CD2AP: variants seen among roughly 807,000 people sequenced by gnomAD.
CD2AP encodes CD2-associated protein.
Under a neutral mutation model 85.1 loss-of-function variants are expected in CD2AP, and 46 were observed. The ratio of observed to expected loss-of-function variants is 0.54; its 90% confidence interval spans 0.43 to 0.69. The LOEUF (loss-of-function observed/expected upper bound fraction) is 0.69. CD2AP is among the 30% of genes least tolerant of loss of function. The probability of loss-of-function intolerance (pLI) is 0.00; values close to 1 mark genes in which losing one functional copy is unlikely to be tolerated. For synonymous variants in CD2AP, 255 were observed against 252.9 expected (o/e 1.01, Z -0.08); for missense variants, 769 against 729.5 (o/e 1.05, Z -0.62).
At chr6:47,581,225 A>G (rs774607411) in intron 10 of CD2AP, among the ~76,000 whole-genome samples, 2 of 152,182 alleles carry the variant, frequency 1.3e-5, no homozygotes, top group Admixed American at 1.3e-4. Flanking sequence ...AATGAAATCC[A>G]TTTGTTAATG....
chr6:47,530,704 A>G (rs1349635094), intron 2 of CD2AP, among the ~76,000 whole-genome samples: 1 of 152,200 alleles, frequency 6.6e-6, no homozygotes, highest in Non-Finnish European at 1.5e-5. Flanking sequence ...TCTTGTTAAC[A>G]TTTGTATGCC....
chr6:47,619,676 G>A (rs893433012), intron 17 of CD2AP, among the ~76,000 whole-genome samples: 9 of 152,124 alleles, frequency 5.9e-5, no homozygotes, highest in East Asian at 1.9e-4. Context: ...ACTAGTTTAC[G>A]TTCCCACCAG....
In CD2AP at chr6:47,499,384, A is replaced by G. The variant is rs1293313054; in HGVS notation, c.5-3896A>G. 2.6e-5 allele frequency among the ~76,000 whole-genome samples: 4 copies of G among 151,996 alleles called. No homozygotes were observed. The South Asian group carries it at 6.2e-4, about 24-fold the overall frequency. ...TATACATATATCTGTTTATTTCTCC[A>G]TGTTACGTATTGAAAACTGTTAAGT... On this transcript the variant is annotated intron_variant, in intron 1 of 17. Transcript: ENST00000359314.
chr6:47,595,728 T>C (rs1768921730), intron 11 of CD2AP, 133 bp from the exon 12 acceptor site: 2 of 668,244 alleles, frequency 3.0e-6, no homozygotes, highest in South Asian at 3.6e-5. Flanking sequence ...ACAGTGCACA[T>C]GTATACAAAT....
Position 47,543,159 on chromosome 6 carries a change from A to G in CD2AP, c.320-1447A>G, listed in dbSNP as rs543947033. On this transcript the variant is annotated intron_variant, in intron 3 of 17. Transcript: ENST00000359314. ...GAGCAAGACTGTCTCAAAAAAAAAA[A>G]AAAAAAAAAAAAAGAAAAAGAAAAA... 1.6e-4 allele frequency among the ~76,000 whole-genome samples: 24 copies of G among 147,680 alleles called. No homozygotes were observed. The East Asian group carries it at 4.7e-3, about 29-fold the overall frequency.
chr6:47,505,682 C>T (rs1766133814), intron 2 of CD2AP, among the ~76,000 whole-genome samples: 2 of 79,808 alleles, frequency 2.5e-5, no homozygotes, highest in African/African-American at 4.1e-5. Flanking sequence ...GGCTGACCCC[C>T]CCATCTCCCT....
chr6:47,518,957 G>A (rs376428342), intron 2 of CD2AP, among the ~76,000 whole-genome samples: 2 of 152,042 alleles, frequency 1.3e-5, no homozygotes, highest in East Asian at 1.9e-4. Flanking sequence ...CCTACACTCC[G>A]CCTCTTGGTG....
chr6:47,531,347 T>C (rs1340683024), intron 2 of CD2AP, among the ~76,000 whole-genome samples: 1 of 151,948 alleles, frequency 6.6e-6, no homozygotes, highest in Non-Finnish European at 1.5e-5. Context: ...TAAAAAATAA[T>C]ACACAGAAAC....
At chr6:47,509,443 A>AC (rs1766260823) in intron 2 of CD2AP, among the ~76,000 whole-genome samples, 1 of 151,970 alleles carries the variant, frequency 6.6e-6, no homozygotes, top group South Asian at 2.1e-4. Flanking sequence ...TTTGTAAAAA[A>AC]AAAAAAAAAT....
intron 5 of CD2AP, among the ~76,000 whole-genome samples, chr6:47,573,164 G>C (rs1244533252): frequency 1.3e-5 from 2 of 152,020 alleles, no homozygotes; most frequent in Admixed American, 1.3e-4. Flanking sequence ...AAGAACCCTT[G>C]TTACTGAGCA....
intron 1 of CD2AP, among the ~76,000 whole-genome samples, chr6:47,494,326 C>T (rs76743831): frequency 5.3e-5 from 8 of 152,266 alleles, no homozygotes; most frequent in African/African-American, 1.9e-4. Flanking sequence ...AACTCTTTCT[C>T]AGATAGAATC....
At chr6:47,531,949 T>C (rs1422231167) in intron 2 of CD2AP, among the ~76,000 whole-genome samples, 1 of 151,814 alleles carries the variant, frequency 6.6e-6, no homozygotes, top group Non-Finnish European at 1.5e-5. Flanking sequence ...GGTGCATGCC[T>C]GTAGTCCCAG....
rs1554182282 is a variant in CD2AP at position 47,589,565 on chromosome 6, C to CATATAT, written c.1109-6285_1109-6280dup. On this transcript the variant is annotated intron_variant, in intron 11 of 17. Coordinates refer to ENST00000359314, the MANE Select transcript of CD2AP (RefSeq NM_012120.3). Reference sequence around the variant, plus strand: ...ACACATATATATACACACACACACACATATATATATATATATTTGTCAGAG... The same window carrying CATATAT: ...ACACATATATATACACACACACACACATATATATATATATATATATATTTGTCAGAG... Among the ~76,000 whole-genome samples the CATATAT allele has an allele frequency of 2.3e-4, 28 of 120,998 alleles. 1 individual carries two copies. The highest frequency in any genetic ancestry group is 8.3e-4 in the African/African-American group (28 of 33,660). The allele number at this position is 120,998 out of a possible 152,430, so 79.4% of individuals were successfully genotyped here.
At chr6:47,511,073 CAAAAAAAAAA>C (rs70999630) in intron 2 of CD2AP, among the ~76,000 whole-genome samples, 5 of 51,880 alleles carry the variant, frequency 9.6e-5, no homozygotes, top group Admixed American at 3.2e-4. Flanking sequence ...CTCTGTGTCT[CAAAAAAAAAA>C]AAAAAAAAAA....
chr6:47,559,782 C>T (rs1767801398), intron 5 of CD2AP, among the ~76,000 whole-genome samples: 2 of 151,932 alleles, frequency 1.3e-5, no homozygotes, highest in African/African-American at 4.8e-5. Context: ...CAGCTTTTTC[C>T]CACCTAATTC....
chr6:47,481,823 G>C (rs1342851376), intron 1 of CD2AP, among the ~76,000 whole-genome samples: 1 of 152,156 alleles, frequency 6.6e-6, no homozygotes, highest in East Asian at 1.9e-4. Flanking sequence ...CTGTTACCCA[G>C]GTTGGAGTTC....
At chr6:47,518,123 C>G (rs1245881616) in intron 2 of CD2AP, among the ~76,000 whole-genome samples, 1 of 151,982 alleles carries the variant, frequency 6.6e-6, no homozygotes, top group Admixed American at 6.5e-5. Flanking sequence ...GGGGTTGTTA[C>G]AAAGGTTTTC....
chr6:47,522,695 A>T (rs993077784), intron 2 of CD2AP, among the ~76,000 whole-genome samples: 1 of 152,120 alleles, frequency 6.6e-6, no homozygotes, highest in Non-Finnish European at 1.5e-5. Flanking sequence ...CTTGGTTTCA[A>T]CCTAAATTTC....
chr6:47,535,374 A>G (rs1358778173), intron 3 of CD2AP, among the ~76,000 whole-genome samples: 1 of 152,212 alleles, frequency 6.6e-6, no homozygotes, highest in Non-Finnish European at 1.5e-5. Flanking sequence ...TTGTTTACAT[A>G]CATTTCCCAA....
Sources: gnomAD v4.1 joint callset for allele counts (sites outside exome capture counted in the v4.1 genomes callset) on GRCh38, gnomAD v4.1.1 for gene constraint, MANE v1.5 for transcripts, NCBI Gene and HGNC (gene_info 2026-07-23, HGNC 2026-07-21) for gene names.